The following BAZ1B variants were observed in gnomAD, a reference collection of about 807,000 sequenced individuals.
BAZ1B encodes tyrosine-protein kinase BAZ1B.
In BAZ1B, 22 loss-of-function variants were observed where a neutral mutation model predicts 153.8. The observed-to-expected ratio is 0.14, with a 90% CI of 0.10 to 0.20. The LOEUF (loss-of-function observed/expected upper bound fraction) is 0.20. Among genes scored for constraint, BAZ1B ranks in the 10% least tolerant of loss-of-function variants. The pLI is 1.00. For synonymous variants in BAZ1B, 676 were observed against 633.4 expected, an observed-to-expected ratio of 1.07 and a Z score of -1.01; for missense variants, 1,325 against 1,799.3, an observed-to-expected ratio of 0.74 and a Z score of 4.77.
intron 13 of BAZ1B, among the ~76,000 whole-genome samples, chr7:73,455,107 G>T (rs147836684): frequency 2.6e-5 from 4 of 151,302 alleles, no homozygotes; most frequent in African/African-American, 9.7e-5. Flanking sequence ...GGCTGGTCTC[G>T]AACTCCTGAC....
chr7:73,459,750 A>G (rs1554570080), intron 12 of BAZ1B, 32 bp from the exon 13 acceptor site: 13 of 1,552,968 alleles, frequency 8.4e-6, no homozygotes, highest in Non-Finnish European at 1.1e-5. Context: ...CCAGACTGAG[A>G]AAAGGCCCAG....
rs1163644748 is a variant in BAZ1B, at chr7:73,440,863, A to G, written c.*846T>C. On this transcript the variant is annotated 3_prime_UTR_variant, in exon 20 of 20. Coordinates refer to ENST00000339594, the MANE Select transcript of BAZ1B (RefSeq NM_032408.4). ...TTTCCAAATTCAAAGGTGATAAAAA[A>G]GAAAAACCCTGTTTTGTACTTTTAT... 1.3e-5 allele frequency: 2 copies of G among 152,702 alleles called. No individual in the cohort carries two copies. Among genetic ancestry groups the G allele is most frequent in the African/African-American group, 4.8e-5 (2 of 41,478 alleles). The allele number at this position is 152,702 out of a possible 1,614,324, so 9.5% of individuals were successfully genotyped here.
At chr7:73,485,668 GATAA>G (rs1789379580) in intron 6 of BAZ1B, among the ~76,000 whole-genome samples, 1 of 150,286 alleles carries the variant, frequency 6.7e-6, no homozygotes, top group Admixed American at 6.6e-5. Context: ...AAACAAATAT[GATAA>G]ATGTTAACAT....
At chr7:73,466,806 A>AAAT (rs1788606249) in intron 9 of BAZ1B, among the ~76,000 whole-genome samples, 1 of 152,238 alleles carries the variant, frequency 6.6e-6, no homozygotes, top group Admixed American at 6.5e-5. Context: ...TTCAAGTGTC[A>AAAT]AATAATACAA....
Position 73,458,370 on chromosome 7 carries a change from G to A in BAZ1B, c.3432+1166C>T, listed in dbSNP as rs561602472. Among the ~76,000 whole-genome samples, 5 of 152,176 alleles carry A rather than the reference G, an allele frequency of 3.3e-5. No homozygotes were observed. In the South Asian group the frequency reaches 8.3e-4, roughly 25 times the overall value. Reference sequence around the variant, plus strand: ...TGAATATACTTAATGCCACAGAATCGAACACATAAAAATGGTAAATTTGGG... The same window carrying A: ...TGAATATACTTAATGCCACAGAATCAAACACATAAAAATGGTAAATTTGGG... On this transcript the variant is annotated intron_variant, in intron 13 of 19. Transcript: ENST00000339594.
At chr7:73,476,279 C>T (rs1325881269) in intron 7 of BAZ1B, among the ~76,000 whole-genome samples, 3 of 152,098 alleles carry the variant, frequency 2.0e-5, no homozygotes, top group South Asian at 2.1e-4. Flanking sequence ...AAATTATACA[C>T]AATAAGTGAA....
chr7:73,508,128 C>T (rs1790419195), intron 3 of BAZ1B, among the ~76,000 whole-genome samples, 199 bp downstream of exon 3: 1 of 152,134 alleles, frequency 6.6e-6, no homozygotes, highest in Non-Finnish European at 1.5e-5. Flanking sequence ...GCACTCCAGC[C>T]TTGGCGACAG....
chr7:73,476,723 AAAAAT>A, intron 7 of BAZ1B, 140 bp downstream of exon 7: 2 of 1,345,344 alleles, frequency 1.5e-6, no homozygotes, highest in Middle Eastern at 1.9e-4. Context: ...AGAACTAATA[AAAAAT>A]AAAATACATA....
rs79360896 is a variant in BAZ1B, at chr7:73,488,020, G to T, written c.891+1174C>A. 2.0e-5 allele frequency among the ~76,000 whole-genome samples: 3 copies of T among 152,120 alleles called. No individual in the cohort carries two copies. The East Asian group carries it at 5.8e-4, about 29-fold the overall frequency. On this transcript the variant is annotated intron_variant, in intron 6 of 19. Transcript: ENST00000339594. ...TCACCATAATCAACTTAAGATAATT[G>T]AACAAATTTAGTTGTTATGACTTCA...
In BAZ1B at chr7:73,510,605, C is replaced by T. The variant is rs146001792; in HGVS notation, c.224+131G>A. ...AGGCAAAGGAACCCAGAAACCCATACAGTACACTAATGTAATATAGTCTAA... is the reference window on the plus strand; with the variant it reads ...AGGCAAAGGAACCCAGAAACCCATATAGTACACTAATGTAATATAGTCTAA... On this transcript the variant is annotated intron_variant, in intron 2 of 19. Coordinates refer to ENST00000339594, the MANE Select transcript of BAZ1B (RefSeq NM_032408.4). 2.8e-4 allele frequency: 239 copies of T among 853,724 alleles called. No individual in the cohort carries two copies. In the East Asian group the frequency reaches 5.5e-3, roughly 20 times the overall value. 52.9% of individuals were successfully genotyped at this position (853,724 alleles called of 1,614,324 possible). A position where few individuals can be genotyped will look rare whatever the true frequency, so the allele number is the denominator to read the frequency against.
intron 6 of BAZ1B, among the ~76,000 whole-genome samples, chr7:73,481,688 G>C (rs1311055085): frequency 6.6e-6 from 1 of 151,998 alleles, no homozygotes; most frequent in African/African-American, 2.4e-5. Context: ...GGCCTTTGAA[G>C]AGTTCCAGGC....
At chr7:73,516,755 A>T (rs1169484020) in intron 1 of BAZ1B, among the ~76,000 whole-genome samples, 1 of 119,046 alleles carries the variant, frequency 8.4e-6, no homozygotes, top group East Asian at 2.9e-4. Context: ...AGCCTGGGCG[A>T]CAGACTGTGA....
Position 73,450,129 on chromosome 7 carries a change from C to A in BAZ1B, c.3581-440G>T, listed in dbSNP as rs1238675522. 4.0e-5 allele frequency among the ~76,000 whole-genome samples: 6 copies of A among 151,816 alleles called. No individual in the cohort carries two copies. Among genetic ancestry groups the A allele is most frequent in the African/African-American group, 1.5e-4 (6 of 41,312 alleles). ...GTGGCGCGATCTCGGCTCACTGCAA[C>A]CTCCGCCTCCCGGGTTCAAGTGATT... On this transcript the variant is annotated intron_variant, in intron 14 of 19. Coordinates refer to ENST00000339594, the MANE Select transcript of BAZ1B (RefSeq NM_032408.4). The surrounding 1 kb of genome is among the most constrained non-coding windows in gnomAD (Gnocchi z 4.1).
At chr7:73,492,490 T>A (rs1452205085) in intron 5 of BAZ1B, among the ~76,000 whole-genome samples, 2 of 152,094 alleles carry the variant, frequency 1.3e-5, no homozygotes, top group African/African-American at 4.8e-5. Context: ...CTGGGAAGAG[T>A]GATTTCCTTG....
intron 6 of BAZ1B, among the ~76,000 whole-genome samples, chr7:73,478,810 A>T (rs932907680): frequency 4.6e-5 from 7 of 152,320 alleles, no homozygotes; most frequent in East Asian, 1.9e-4. Flanking sequence ...CTATGTAACT[A>T]GTTCTGTTTA....
intron 2 of BAZ1B, among the ~76,000 whole-genome samples, chr7:73,510,283 T>C (rs1554578392): frequency 6.7e-6 from 1 of 149,624 alleles, no homozygotes; most frequent in African/African-American, 2.5e-5. Flanking sequence ...CAAAAAATTA[T>C]CCGGGCTTGG....
chr7:73,495,350 A>T (rs1165355087), intron 4 of BAZ1B, among the ~76,000 whole-genome samples: 1 of 152,226 alleles, frequency 6.6e-6, no homozygotes, highest in East Asian at 1.9e-4. Flanking sequence ...CTACAGTTAA[A>T]AGTCTGACCC....
Position 73,498,500 on chromosome 7 carries a change from TACTC to T in BAZ1B, c.564_567del (p.Ser189LeufsTer16). ...GGAAAGCTAATATCAAACATACTAA[TACTC>T]TCTCTCCTTCCTTCATCCTCTTTCA... On this transcript the variant is annotated frameshift_variant, in exon 4 of 20. Transcript: ENST00000339594. LOFTEE classifies it high-confidence loss of function. 6.2e-7 allele frequency: 1 copy of T among 1,612,538 alleles called. No homozygotes were observed. Among genetic ancestry groups the T allele is most frequent in the Non-Finnish European group, 8.5e-7 (1 of 1,178,686 alleles).
At chr7:73,447,182 A>G in intron 16 of BAZ1B, 82 bp downstream of exon 16, 2 of 1,610,436 alleles carry the variant, frequency 1.2e-6, no homozygotes, top group Non-Finnish European at 8.5e-7. Context: ...CGGCCACACT[A>G]CCTACTGCCA....
Sources: gnomAD v4.1 joint callset for allele counts (sites outside exome capture counted in the v4.1 genomes callset) on GRCh38, gnomAD v4.1.1 for gene constraint, Gnocchi (gnomAD v3.1) non-coding constraint, MANE v1.5 for transcripts, NCBI Gene and HGNC (gene_info 2026-07-23, HGNC 2026-07-21) for gene names.